The following HOOK3 variants were observed in gnomAD, a reference collection of about 807,000 sequenced individuals.
The protein encoded by HOOK3 is hook microtubule tethering protein 3.
In HOOK3, 24 loss-of-function variants were observed where a neutral mutation model predicts 116.3. The observed-to-expected ratio is 0.21, with a 90% CI of 0.15 to 0.29. The LOEUF (loss-of-function observed/expected upper bound fraction) is 0.29, where lower values mean the gene tolerates loss of function less well. Ranked by LOEUF, HOOK3 falls within the 10% of genes least tolerant of loss-of-function variation. The pLI is 1.00. For missense variants in HOOK3, 632 were observed against 830.2 expected (o/e 0.76, Z 2.93); for synonymous variants, 275 against 283.0 (o/e 0.97, Z 0.28).
chr8:42,963,243 G>A (rs187762602), intron 8 of HOOK3, among the ~76,000 whole-genome samples: 3 of 152,236 alleles, frequency 2.0e-5, no homozygotes, highest in South Asian at 2.1e-4. Flanking sequence ...GGGGATATTC[G>A]CATTATATGC....
chr8:42,965,922 G>T (rs528170655), intron 9 of HOOK3, among the ~76,000 whole-genome samples: 6 of 152,112 alleles, frequency 3.9e-5, no homozygotes, highest in African/African-American at 1.2e-4. Context: ...TCCCGACTAT[G>T]TGTCTGCAAG....
intron 2 of HOOK3, among the ~76,000 whole-genome samples, chr8:42,922,031 A>G (rs1807666560): frequency 6.6e-6 from 1 of 152,226 alleles, no homozygotes; most frequent in Admixed American, 6.5e-5. Context: ...AGCTTAAAAC[A>G]AAAATAGGTA....
At chr8:42,901,206 T>TGGGGAG (rs1807182170) in intron 1 of HOOK3, among the ~76,000 whole-genome samples, 1 of 152,112 alleles carries the variant, frequency 6.6e-6, no homozygotes, top group Non-Finnish European at 1.5e-5. Context: ...ATGCTTTTGT[T>TGGGGAG]GGGGAGGGGG....
intron 4 of HOOK3, among the ~76,000 whole-genome samples, chr8:42,938,519 A>C (rs1274386197): frequency 5.9e-5 from 9 of 151,986 alleles, no homozygotes; most frequent in Admixed American, 2.0e-4. Flanking sequence ...ATGTTTTTGC[A>C]GTGGCTGGTA....
intron 15 of HOOK3, among the ~76,000 whole-genome samples, chr8:42,991,715 C>A (rs927435258): frequency 2.0e-5 from 3 of 152,038 alleles, no homozygotes; most frequent in Admixed American, 6.6e-5. Context: ...AATATGCCAA[C>A]ACATGGCACT....
intron 18 of HOOK3, among the ~76,000 whole-genome samples, chr8:43,008,876 G>A (rs1809548261): frequency 6.7e-6 from 1 of 150,320 alleles, no homozygotes; most frequent in Non-Finnish European, 1.5e-5. Context: ...AGCCGGGATG[G>A]TCTCGATCTC....
At position 42,943,298 on chromosome 8, in the gene HOOK3, T is replaced by A; in HGVS notation, c.268-15T>A. 6.9e-7 allele frequency: 1 copy of A among 1,445,706 alleles called. No homozygotes were observed. Among genetic ancestry groups the A allele is most frequent in the Non-Finnish European group, 9.2e-7 (1 of 1,087,034 alleles). 89.6% of individuals were successfully genotyped at this position (1,445,706 alleles called of 1,614,324 possible). On this transcript the variant is annotated splice_polypyrimidine_tract_variant and intron_variant, in intron 4 of 21. Transcript: ENST00000307602. ...TAAATGTAAATGCAATTATAATCCT[T>A]TTATCTCCATTCAGATTTTAGGACA...
chr8:43,000,196 G>C, intron 16 of HOOK3: 1 of 925,390 alleles, frequency 1.1e-6, no homozygotes, highest in Non-Finnish European at 1.5e-6. Context: ...TTACTAAATC[G>C]TTGCTTCTCT....
At chr8:42,912,848 C>T (rs1009844967) in intron 2 of HOOK3, among the ~76,000 whole-genome samples, 2 of 152,188 alleles carry the variant, frequency 1.3e-5, no homozygotes, top group East Asian at 3.8e-4. Flanking sequence ...ATGTATCTAC[C>T]ATGGTAGTAT....
chr8:42,996,188 C>A (rs918248176), intron 15 of HOOK3, among the ~76,000 whole-genome samples: 7 of 152,006 alleles, frequency 4.6e-5, no homozygotes, highest in Non-Finnish European at 1.0e-4. Context: ...GAGTTCGAGA[C>A]CACCCTGATC....
At chr8:43,012,174 C>T (rs1245406277) in intron 19 of HOOK3, among the ~76,000 whole-genome samples, 1 of 152,294 alleles carries the variant, frequency 6.6e-6, no homozygotes, top group African/African-American at 2.4e-5. Flanking sequence ...AACAGGGACA[C>T]GTTCTGAGAA....
chr8:43,003,677 G>A (rs1586630177), intron 17 of HOOK3, among the ~76,000 whole-genome samples: 1 of 152,208 alleles, frequency 6.6e-6, no homozygotes, highest in Non-Finnish European at 1.5e-5. Flanking sequence ...GAGGCTAGAA[G>A]AACCAAGGTG....
chr8:42,925,541 TTTTC>T lies in HOOK3; in HGVS notation c.144-13_144-10del, dbSNP rs745378155. 97 of 1,554,698 alleles carry T rather than the reference TTTTC, an allele frequency of 6.2e-5. No homozygotes were observed. The highest frequency in any genetic ancestry group is 5.3e-4 in the Middle Eastern group (3 of 5,620). On this transcript the variant is annotated splice_polypyrimidine_tract_variant and intron_variant, in intron 2 of 21. Coordinates refer to ENST00000307602, the MANE Select transcript of HOOK3 (RefSeq NM_032410.4). Reference sequence around the variant, plus strand: ...GCTACATGATTTTAATATGTAAGCTTTTTCTTATTTTGCAGAGATCCTGCATATT... The same window carrying T: ...GCTACATGATTTTAATATGTAAGCTTTTATTTTGCAGAGATCCTGCATATT...
intron 20 of HOOK3, 40 bp from the exon 21 acceptor site, chr8:43,013,289 A>T (rs754749542): frequency 6.8e-7 from 1 of 1,472,852 alleles, no homozygotes; most frequent in Non-Finnish European, 9.2e-7. Context: ...GAGTTATTTT[A>T]TATCTTTACA....
chr8:42,908,681 T>C (rs1807362039), intron 2 of HOOK3, among the ~76,000 whole-genome samples: 1 of 152,198 alleles, frequency 6.6e-6, no homozygotes, highest in South Asian at 2.1e-4. Flanking sequence ...TAAAGACTTT[T>C]AAACATACCT....
At chr8:42,980,521 GATGGATTAATCCATCC>G (rs1273366211) in intron 13 of HOOK3, among the ~76,000 whole-genome samples, 6 of 152,036 alleles carry the variant, frequency 3.9e-5, no homozygotes, top group Non-Finnish European at 7.4e-5. Flanking sequence ...TGCCCTCAGG[GATGGATTAATCCATCC>G]ATGGATTAAT....
intron 1 of HOOK3, among the ~76,000 whole-genome samples, chr8:42,904,546 C>T (rs931399906): frequency 1.3e-5 from 2 of 151,972 alleles, no homozygotes; most frequent in African/African-American, 2.4e-5. Context: ...CTCCAGACCT[C>T]GTGATCCATC....
chr8:42,985,494 C>T (rs1014208874), intron 14 of HOOK3, among the ~76,000 whole-genome samples: 4 of 152,030 alleles, frequency 2.6e-5, no homozygotes, highest in African/African-American at 4.8e-5. Flanking sequence ...TGTGAGTATA[C>T]GTGCATAGAA....
rs778060270 is a variant in HOOK3 at position 42,968,056 on chromosome 8, T to G, written c.964T>G (p.Ser322Ala). The part of the protein sequence containing the change: ...KVSKLEGQVE[S>A]YKKKLEDLGD... ...ATCTAAACTAGAAGGTCAAGTAGAA[T>G]CTTATAAAAAGAAGCTAGAAGACCT... The change falls in exon 11 of 22, where the codon TCT becomes GCT. Residue 322 changes from serine (S) to alanine (A), a missense_variant. This residue lies in a region of HOOK3 where 483 missense variants were observed against 648.1 expected (regional missense o/e 0.75). Transcript: ENST00000307602. 10 of 1,606,272 alleles carry G rather than the reference T, an allele frequency of 6.2e-6. No homozygotes were observed. Among genetic ancestry groups the G allele is most frequent in the South Asian group, 2.2e-5 (2 of 90,904 alleles).
Sources: gnomAD v4.1 joint callset for allele counts (sites outside exome capture counted in the v4.1 genomes callset) on GRCh38, gnomAD v4.1.1 for gene constraint, gnomAD v4.1.1 regional missense constraint, MANE v1.5 for transcripts, NCBI Gene and HGNC (gene_info 2026-07-23, HGNC 2026-07-21) for gene names.